Variants in TMEM117 observed in about 807,000 individuals in gnomAD.
The protein encoded by TMEM117 is transmembrane protein 117.
In TMEM117, 27 loss-of-function variants were observed where a neutral mutation model predicts 52.4. That is an observed-to-expected ratio of 0.51 (90% CI 0.38 to 0.71). TMEM117 has a LOEUF of 0.71. Ranked by LOEUF, TMEM117 falls within the 30% of genes least tolerant of loss-of-function variation. The pLI, the probability that TMEM117 is intolerant of heterozygous loss-of-function variation, is 0.00. For missense variants in TMEM117, 556 were observed against 630.5 expected, an observed-to-expected ratio of 0.88 and a Z score of 1.26; for synonymous variants, 215 against 206.3, an observed-to-expected ratio of 1.04 and a Z score of -0.36.
the TMEM117 span, chr12:43,797,773 T>C: frequency 6.2e-7 from 1 of 1,613,510 alleles, no homozygotes; most frequent in Non-Finnish European, 8.5e-7. Flanking sequence ...TCTCGAGAAA[T>C]GGGAAATGCT....
intron 2 of TMEM117, among the ~76,000 whole-genome samples, chr12:43,901,632 A>G (rs934420881): frequency 2.0e-5 from 3 of 152,088 alleles, no homozygotes; most frequent in African/African-American, 7.2e-5. Context: ...ACTTATTTAC[A>G]TGTGTCATTT....
chr12:44,376,429 A>T, intron 6 of TMEM117, 166 bp from the exon 7 acceptor site: 1 of 794,238 alleles, frequency 1.3e-6, no homozygotes, highest in East Asian at 2.6e-5. Flanking sequence ...GCATACTGCT[A>T]CCTAATGTAC....
intron 7 of TMEM117, among the ~76,000 whole-genome samples, chr12:44,384,176 T>C (rs12305404): frequency 0.042 from 6,464 of 152,120 alleles, 461 homozygotes; most frequent in African/African-American, 0.15. Flanking sequence ...AATGGAAAGA[T>C]GGATGACAGA....
At chr12:44,308,159 C>T (rs752368395) in intron 6 of TMEM117, among the ~76,000 whole-genome samples, 5 of 152,064 alleles carry the variant, frequency 3.3e-5, no homozygotes, top group Non-Finnish European at 2.9e-5. Context: ...ATGCTTCAGT[C>T]CCTGGGGTAT....
intron 3 of TMEM117, among the ~76,000 whole-genome samples, chr12:43,944,719 C>T (rs561358598): frequency 6.6e-6 from 1 of 152,228 alleles, no homozygotes; most frequent in Admixed American, 6.5e-5. Context: ...TTTCATTGGT[C>T]TGCAATGCCT....
intron 4 of TMEM117, among the ~76,000 whole-genome samples, chr12:44,190,412 C>T (rs1949335789): frequency 6.6e-6 from 1 of 152,126 alleles, no homozygotes; most frequent in Non-Finnish European, 1.5e-5. Flanking sequence ...GGTTCTACTT[C>T]ATAGAACCCA....
chr12:44,270,756 A>G (rs1016745064), intron 5 of TMEM117, among the ~76,000 whole-genome samples: 1 of 152,118 alleles, frequency 6.6e-6, no homozygotes, highest in Non-Finnish European at 1.5e-5. Context: ...TGGGTTTGTC[A>G]TAAACAACTT....
In TMEM117 at chr12:44,388,315, C is replaced by T. The variant is rs751947844; in HGVS notation, c.1188C>T (p.Ala396=). The T allele has an allele frequency of 1.2e-6, 2 of 1,613,528 alleles. No individual in the cohort carries two copies. The highest frequency in any genetic ancestry group is 1.7e-6 in the Non-Finnish European group (2 of 1,179,658). The change falls in exon 8 of 8, where the codon GCC becomes GCT. Residue 396 remains alanine (A), a synonymous_variant. Coordinates refer to ENST00000266534, the MANE Select transcript of TMEM117 (RefSeq NM_032256.3). Reference sequence around the variant, plus strand: ...CCAGTCTTGATGTCAAGTGTCTGGCCTTTGTTCCAAGCCTGATAGCCTTTG... The same window carrying T: ...CCAGTCTTGATGTCAAGTGTCTGGCTTTTGTTCCAAGCCTGATAGCCTTTG... ...IGASLDVKCL[A]FVPSLIAFVW...
chr12:43,930,432 T>A (rs756798587), intron 2 of TMEM117, among the ~76,000 whole-genome samples: 5 of 152,172 alleles, frequency 3.3e-5, no homozygotes, highest in Non-Finnish European at 2.9e-5. Flanking sequence ...TCTGGCCCAG[T>A]GACACTGCCT....
intron 3 of TMEM117, among the ~76,000 whole-genome samples, chr12:44,084,260 A>G (rs574753755): frequency 1.3e-5 from 2 of 152,296 alleles, no homozygotes; most frequent in South Asian, 4.1e-4. Context: ...TTATTTAAAC[A>G]TCATTTATAT....
chr12:44,160,212 G>A (rs1317299843), intron 4 of TMEM117, among the ~76,000 whole-genome samples: 5 of 152,044 alleles, frequency 3.3e-5, no homozygotes, highest in Non-Finnish European at 4.4e-5. Flanking sequence ...AGTCAATTCA[G>A]TGGTGTTATA....
chr12:43,805,553 A>T, the TMEM117 span: 3 of 459,114 alleles, frequency 6.5e-6, no homozygotes, highest in Non-Finnish European at 1.3e-5. Flanking sequence ...AAACCAGGAA[A>T]TAATGGAGGT....
intron 3 of TMEM117, among the ~76,000 whole-genome samples, chr12:44,080,622 A>G (rs1467502004): frequency 6.6e-6 from 1 of 152,210 alleles, no homozygotes; most frequent in African/African-American, 2.4e-5. Context: ...CACAGGTCAC[A>G]TCTTGCCTCC....
At chr12:43,805,899 A>G in the TMEM117 span, 1 of 1,476,074 alleles carries the variant, frequency 6.8e-7, no homozygotes, top group Non-Finnish European at 9.1e-7. Flanking sequence ...CGTGACCAAA[A>G]GGGGGAAAGT....
intron 7 of TMEM117, among the ~76,000 whole-genome samples, chr12:44,379,328 C>T (rs1479455492): frequency 1.3e-5 from 2 of 152,026 alleles, no homozygotes; most frequent in East Asian, 3.9e-4. Flanking sequence ...TGCACTCCAG[C>T]CTGGGCAACA....
chr12:44,044,660 G>A (rs1946852885), intron 3 of TMEM117, among the ~76,000 whole-genome samples: 1 of 152,196 alleles, frequency 6.6e-6, no homozygotes, highest in Non-Finnish European at 1.5e-5. Context: ...AGTTGACAGA[G>A]GAAGAGAAGA....
chr12:44,348,919 G>A, intron 6 of TMEM117, among the ~76,000 whole-genome samples: 1 of 151,922 alleles, frequency 6.6e-6, no homozygotes, highest in Non-Finnish European at 1.5e-5. Flanking sequence ...CAGTCAGAGA[G>A]GTGATTGTCA....
intron 6 of TMEM117, among the ~76,000 whole-genome samples, chr12:44,348,367 T>A (rs868699426): frequency 7.2e-5 from 11 of 151,834 alleles, no homozygotes; most frequent in African/African-American, 2.7e-4. Context: ...TCTAACTATG[T>A]CTTGGGGTTT....
chr12:44,139,992 T>C (rs1261549045), intron 3 of TMEM117, among the ~76,000 whole-genome samples: 3 of 152,168 alleles, frequency 2.0e-5, no homozygotes, highest in African/African-American at 7.2e-5. Flanking sequence ...TAATTCTTCT[T>C]CATATTTATC....
Sources: allele counts gnomAD v4.1 joint callset (sites outside exome capture counted in the v4.1 genomes callset), GRCh38; gene constraint gnomAD v4.1.1; transcripts MANE v1.5; gene names NCBI Gene and HGNC (gene_info 2026-07-23, HGNC 2026-07-21).